Variants in ADGRV1 observed in about 807,000 individuals in gnomAD.
ADGRV1 encodes the protein G-protein coupled receptor 98.
A neutral mutation model predicts 596.2 loss-of-function variants in ADGRV1; 359 were observed. The observed-to-expected ratio is 0.60, with a 90% CI of 0.55 to 0.66. The LOEUF is 0.66. Among genes scored for constraint, ADGRV1 ranks in the 30% least tolerant of loss-of-function variants. The pLI is 0.00. For missense variants in ADGRV1, 7,274 were observed against 7,575.6 expected, an observed-to-expected ratio of 0.96 and a Z score of 1.48; for synonymous variants, 2,681 against 2,679.2, an observed-to-expected ratio of 1.00 and a Z score of -0.02.
chr5:90,655,387 AC>A (rs1258353608), intron 20 of ADGRV1: 2 of 152,184 alleles, frequency 1.3e-5, no homozygotes, highest in Non-Finnish European at 2.9e-5. Flanking sequence ...CATGCTCATT[AC>A]CATATAGAAT....
At chr5:90,959,122 T>C (rs1189324403) in intron 83 of ADGRV1, among the ~76,000 whole-genome samples, 1 of 152,100 alleles carries the variant, frequency 6.6e-6, no homozygotes, top group Non-Finnish European at 1.5e-5. Context: ...AAACAGCTCC[T>C]CAAACTAATG....
At chr5:90,996,699 G>A (rs532110303) in intron 85 of ADGRV1, among the ~76,000 whole-genome samples, 2 of 152,326 alleles carry the variant, frequency 1.3e-5, no homozygotes, top group South Asian at 2.1e-4. Flanking sequence ...CCATGTGCCT[G>A]GAAAAGCAGC....
chr5:90,913,354 T>G (rs1336783706), intron 83 of ADGRV1, among the ~76,000 whole-genome samples: 1 of 152,242 alleles, frequency 6.6e-6, no homozygotes. Context: ...CCTGAATTTC[T>G]AGACTTTTTA....
intron 11 of ADGRV1, 54 bp downstream of exon 11, chr5:90,638,002 A>G: frequency 3.9e-6 from 5 of 1,288,710 alleles, no homozygotes; most frequent in Admixed American, 4.5e-5. Context: ...GTTCTCTTCA[A>G]TAACTTTGAT....
intron 83 of ADGRV1, among the ~76,000 whole-genome samples, chr5:90,904,234 T>C (rs1772114204): frequency 6.6e-6 from 1 of 152,162 alleles, no homozygotes; most frequent in Admixed American, 6.6e-5. Flanking sequence ...GGAATGCAGA[T>C]ATCTCTTCAG....
At chr5:90,912,316 A>T (rs1413366722) in intron 83 of ADGRV1, among the ~76,000 whole-genome samples, 2 of 152,180 alleles carry the variant, frequency 1.3e-5, no homozygotes, top group African/African-American at 4.8e-5. Context: ...CACCTGTGTC[A>T]GCTTAAATGA....
chr5:91,002,523 G>C (rs1356604016), intron 85 of ADGRV1, among the ~76,000 whole-genome samples: 2 of 151,478 alleles, frequency 1.3e-5, no homozygotes, highest in Non-Finnish European at 2.9e-5. Context: ...CCTTTATTTG[G>C]GCCTTATTTT....
At chr5:91,071,090 T>C (rs1788350825) in intron 85 of ADGRV1, among the ~76,000 whole-genome samples, 1 of 151,718 alleles carries the variant, frequency 6.6e-6, no homozygotes, top group Non-Finnish European at 1.5e-5. Context: ...AGAAAACTCC[T>C]CCCAGGAAGA....
intron 58 of ADGRV1, 63 bp from the exon 59 acceptor site, chr5:90,763,242 C>G (rs1756698556): frequency 1.7e-6 from 2 of 1,202,684 alleles, no homozygotes; most frequent in Non-Finnish European, 2.2e-6. Flanking sequence ...TAAGATTCTA[C>G]TTGTTTATCC....
Position 90,722,978 on chromosome 5 carries a change from C to G in ADGRV1, c.9749-1854C>G, listed in dbSNP as rs546951686. Among the ~76,000 whole-genome samples, 8 of 152,068 alleles carry G rather than the reference C, an allele frequency of 5.3e-5. No individual in the cohort carries two copies. The South Asian group carries it at 1.7e-3, about 32-fold the overall frequency. On this transcript the variant is annotated intron_variant, in intron 45 of 89. Coordinates refer to ENST00000405460, the MANE Select transcript of ADGRV1 (RefSeq NM_032119.4). ...ACCTGGTAGGAAACTCAGGAGAAAA[C>G]AGGATGGCAGATACCAGCAGAAGAG...
intron 1 of ADGRV1, among the ~76,000 whole-genome samples, chr5:90,582,263 T>C (rs1038341532): frequency 2.0e-5 from 3 of 152,200 alleles, no homozygotes; most frequent in African/African-American, 7.2e-5. Context: ...TTTGCCTCAA[T>C]GATCTGTCTA....
Position 90,763,483 on chromosome 5 carries a change from T to C in ADGRV1, c.12285+14T>C, listed in dbSNP as rs1224208172. ...CATTTTGATGAGGTATAGTCAGCAT[T>C]AGCACTCCTGTAATTTTTCCCCAAT... On this transcript the variant is annotated intron_variant, in intron 59 of 89. Coordinates refer to ENST00000405460, the MANE Select transcript of ADGRV1 (RefSeq NM_032119.4). 2 of 1,585,832 alleles carry C rather than the reference T, an allele frequency of 1.3e-6. No individual in the cohort carries two copies. Among genetic ancestry groups the C allele is most frequent in the African/African-American group, 2.7e-5 (2 of 74,230 alleles).
In ADGRV1 at chr5:91,087,955, C is replaced by G. The variant is rs181766521; in HGVS notation, c.18311-14264C>G. Among the ~76,000 whole-genome samples, 517 of 152,226 alleles carry G rather than the reference C, an allele frequency of 3.4e-3. 3 individuals are homozygous for G. Among genetic ancestry groups the G allele is most frequent in the Middle Eastern group, 6.8e-3 (2 of 294 alleles). ...TTTTTAACCTCAGTGCATTTTTTAA[C>G]ATTTAATTGGCTGAGGGCTTATATT... is the stretch of plus-strand genomic sequence containing the variant. On this transcript the variant is annotated intron_variant, in intron 86 of 89. Coordinates refer to ENST00000405460, the MANE Select transcript of ADGRV1 (RefSeq NM_032119.4).
At chr5:90,692,124 TTTC>T (rs1162891342) in intron 31 of ADGRV1, among the ~76,000 whole-genome samples, 2 of 152,182 alleles carry the variant, frequency 1.3e-5, no homozygotes, top group Non-Finnish European at 2.9e-5. Flanking sequence ...ATAAAAAACA[TTTC>T]TGTTTTTTTC....
chr5:90,662,781 T>G (rs148976938), intron 21 of ADGRV1, among the ~76,000 whole-genome samples: 3,045 of 151,838 alleles, frequency 0.02, 92 homozygotes, highest in African/African-American at 0.07. Context: ...CACACAACAG[T>G]CCCCAGAGTG....
chr5:91,133,144 C>T (rs1486003668), intron 87 of ADGRV1, among the ~76,000 whole-genome samples: 3 of 152,060 alleles, frequency 2.0e-5, no homozygotes, highest in South Asian at 2.1e-4. Flanking sequence ...TTTAGGGGTA[C>T]GTGTGCAGGT....
intron 85 of ADGRV1, among the ~76,000 whole-genome samples, chr5:91,048,162 G>C (rs1337817251): frequency 6.6e-6 from 1 of 152,166 alleles, no homozygotes; most frequent in Non-Finnish European, 1.5e-5. Flanking sequence ...GAAAATACTG[G>C]CACATTTATT....
At position 90,720,201 on chromosome 5, in the gene ADGRV1, A is replaced by C; in HGVS notation, c.9601A>C (p.Ser3201Arg). Residue 3201 changes from serine to arginine, a missense_variant, in exon 44 of 90, where the codon AGT becomes CGT. Ser to Arg is a moderately radical substitution (Grantham distance 110, BLOSUM62 -1). Coordinates refer to ENST00000405460, the MANE Select transcript of ADGRV1 (RefSeq NM_032119.4). ...LQNQAPLGLF[S>R]ISAVENRATS... ...AAACCAGGCCCCTTTGGGGCTATTC[A>C]GTATCTCTGCAGTTGAAAATAGGTA... 2 of 1,583,512 alleles carry C rather than the reference A, an allele frequency of 1.3e-6. No individual in the cohort carries two copies. The highest frequency in any genetic ancestry group is 1.7e-6 in the Non-Finnish European group (2 of 1,164,332).
In ADGRV1 at chr5:90,840,958, C is replaced by G; in HGVS notation, c.16992C>G (p.Leu5664=). The G allele has an allele frequency of 2.8e-6, 4 of 1,450,494 alleles. No homozygotes were observed. The highest frequency in any genetic ancestry group is 3.6e-6 in the Non-Finnish European group (4 of 1,096,864). 89.9% of individuals were successfully genotyped at this position (1,450,494 alleles called of 1,614,324 possible). Residue 5664 remains leucine, a synonymous_variant, in exon 78 of 90, where the codon CTC becomes CTG. Transcript: ENST00000405460. ...KVATENTDEQ[L]SAMMHLIEKI... ...CCACAGAAAACACAGATGAACAACTCAGTGCCATGATGCATTTAATAGAAA... is the reference window on the plus strand; with the variant it reads ...CCACAGAAAACACAGATGAACAACTGAGTGCCATGATGCATTTAATAGAAA...
Sources: allele counts gnomAD v4.1 joint callset (sites outside exome capture counted in the v4.1 genomes callset), GRCh38; gene constraint gnomAD v4.1.1; transcripts MANE v1.5; gene names NCBI Gene and HGNC (gene_info 2026-07-23, HGNC 2026-07-21).